Variants in RALGAPA2 observed in about 807,000 individuals in gnomAD.
RALGAPA2 encodes the protein ral GTPase-activating protein subunit alpha-2.
Under a neutral mutation model 230.4 loss-of-function variants are expected in RALGAPA2, and 139 were observed. That is an observed-to-expected ratio of 0.60 (90% CI 0.53 to 0.69). RALGAPA2 has a LOEUF of 0.69. Among genes scored for constraint, RALGAPA2 ranks in the 30% least tolerant of loss-of-function variants. The pLI is 0.00. For missense variants in RALGAPA2, 2,163 were observed against 2,276.0 expected (o/e 0.95, Z 1.01); for synonymous variants, 847 against 837.8 (o/e 1.01, Z -0.19).
chr20:20,418,669 T>C (rs1158205953), intron 37 of RALGAPA2, among the ~76,000 whole-genome samples: 5 of 152,156 alleles, frequency 3.3e-5, no homozygotes, highest in Non-Finnish European at 7.3e-5. Flanking sequence ...AGGATAAAAC[T>C]GAAAACCATG....
In RALGAPA2 at chr20:20,508,991, C is replaced by T. The variant is rs78619146; in HGVS notation, c.4928+2263G>A. The stretch of plus-strand genomic sequence containing the variant: ...ACCTCATGCAACTAAAGTGCATTAA[C>T]GCTCAACAAATTGACCGCAATTACA... On this transcript the variant is annotated intron_variant, in intron 33 of 39. Coordinates refer to ENST00000202677, the MANE Select transcript of RALGAPA2 (RefSeq NM_020343.4). Among the ~76,000 whole-genome samples, 581 of 152,324 alleles carry T rather than the reference C, an allele frequency of 3.8e-3. 3 individuals carry two copies. The highest frequency in any genetic ancestry group is 0.013 in the African/African-American group (553 of 41,572).
chr20:20,709,650 C>T (rs1211605831), intron 1 of RALGAPA2, among the ~76,000 whole-genome samples: 1 of 152,142 alleles, frequency 6.6e-6, no homozygotes, highest in Admixed American at 6.5e-5. Context: ...TGGCTTGATA[C>T]GTGTCAAGCC....
At chr20:20,435,701 G>A (rs571746798) in intron 37 of RALGAPA2, among the ~76,000 whole-genome samples, 1 of 152,296 alleles carries the variant, frequency 6.6e-6, no homozygotes, top group South Asian at 2.1e-4. Flanking sequence ...GAAGGAGGCA[G>A]GCTGATGCTG....
chr20:20,585,179 C>T (rs1416595647), intron 18 of RALGAPA2, among the ~76,000 whole-genome samples: 1 of 152,210 alleles, frequency 6.6e-6, no homozygotes, highest in Non-Finnish European at 1.5e-5. Flanking sequence ...TGTCAACTTA[C>T]ATCCATCCAA....
In RALGAPA2 at chr20:20,657,073, T is replaced by C. The variant is rs184682724; in HGVS notation, c.271-3486A>G. On this transcript the variant is annotated intron_variant, in intron 3 of 39. Coordinates refer to ENST00000202677, the MANE Select transcript of RALGAPA2 (RefSeq NM_020343.4). Reference sequence around the variant, plus strand: ...TTTGGTATCTTTGATAAAAAATTAATGATAATAGCAAGGTGAGTTTTCTGG... The same window carrying C: ...TTTGGTATCTTTGATAAAAAATTAACGATAATAGCAAGGTGAGTTTTCTGG... Among the ~76,000 whole-genome samples, 817 of 152,300 alleles carry C rather than the reference T, an allele frequency of 5.4e-3. 6 individuals carry two copies. The highest frequency in any genetic ancestry group is 0.019 in the African/African-American group (779 of 41,562).
At chr20:20,534,051 T>C (rs2063435557) in intron 26 of RALGAPA2, among the ~76,000 whole-genome samples, 1 of 152,074 alleles carries the variant, frequency 6.6e-6, no homozygotes, top group African/African-American at 2.4e-5. Context: ...ACTAATAAAA[T>C]TGACAAATTT....
At chr20:20,605,121 CA>C (rs1032579544) in intron 15 of RALGAPA2, 53 bp downstream of exon 15, 12 of 1,450,134 alleles carry the variant, frequency 8.3e-6, no homozygotes, top group Non-Finnish European at 1.1e-5. Context: ...CATACAAATA[CA>C]CACTCGTCCC....
intron 3 of RALGAPA2, among the ~76,000 whole-genome samples, chr20:20,655,017 A>C (rs1304150932): frequency 6.6e-6 from 1 of 152,176 alleles, no homozygotes; most frequent in Non-Finnish European, 1.5e-5. Flanking sequence ...GTTTTTTCAT[A>C]AACTTGTTGG....
intron 25 of RALGAPA2, among the ~76,000 whole-genome samples, 180 bp downstream of exon 25, chr20:20,536,476 T>A (rs1167628589): frequency 2.6e-5 from 4 of 152,202 alleles, no homozygotes; most frequent in Non-Finnish European, 5.9e-5. Context: ...TGCAATATAC[T>A]CTGAATTTAA....
At chr20:20,503,591 AT>A (rs1415227086) in intron 34 of RALGAPA2, 85 bp from the exon 35 acceptor site, 12 of 1,121,372 alleles carry the variant, frequency 1.1e-5, no homozygotes, top group South Asian at 3.2e-5. Context: ...CAGAAAAAAA[AT>A]AAATTATTTT....
At chr20:20,460,708 A>G (rs2061281378) in intron 37 of RALGAPA2, among the ~76,000 whole-genome samples, 1 of 152,338 alleles carries the variant, frequency 6.6e-6, no homozygotes. Context: ...TTTTAGTTAA[A>G]CAATTGGTCT....
chr20:20,414,523 C>T (rs1368076812), intron 37 of RALGAPA2, among the ~76,000 whole-genome samples: 3 of 152,026 alleles, frequency 2.0e-5, no homozygotes, highest in African/African-American at 7.3e-5. Flanking sequence ...TGAACTGACC[C>T]CAGACGGCAG....
intron 35 of RALGAPA2, among the ~76,000 whole-genome samples, chr20:20,499,890 C>T (rs2062322567): frequency 1.3e-5 from 2 of 152,172 alleles, no homozygotes; most frequent in South Asian, 4.1e-4. Flanking sequence ...TGGTTTCAGA[C>T]ATATCCGCAA....
At position 20,571,884 on chromosome 20, in the gene RALGAPA2, G is replaced by GA. The variant is rs766699664; in HGVS notation, c.2963dup (p.Pro990ThrfsTer11). On this transcript the variant is annotated frameshift_variant, in exon 22 of 40. Coordinates refer to ENST00000202677, the MANE Select transcript of RALGAPA2 (RefSeq NM_020343.4). LOFTEE classifies it high-confidence loss of function. Reference sequence around the variant, plus strand: ...ATGATGCAAACATTCTGAGTGGTGGGATCAAAACTGGAGGAGATGGAGAAG... The same window carrying GA: ...ATGATGCAAACATTCTGAGTGGTGGGAATCAAAACTGGAGGAGATGGAGAAG... 1 of 1,611,790 alleles carries GA rather than the reference G, an allele frequency of 6.2e-7. No homozygotes were observed. Among genetic ancestry groups the GA allele is most frequent in the East Asian group, 2.2e-5 (1 of 44,802 alleles).
At chr20:20,711,023 C>T (rs2069839528) in intron 1 of RALGAPA2, among the ~76,000 whole-genome samples, 1 of 152,046 alleles carries the variant, frequency 6.6e-6, no homozygotes, top group Non-Finnish European at 1.5e-5. Flanking sequence ...ACCAAGAACG[C>T]CACACTTCAC....
chr20:20,455,951 A>G (rs767496330), intron 37 of RALGAPA2, among the ~76,000 whole-genome samples: 13 of 152,236 alleles, frequency 8.5e-5, no homozygotes, highest in Non-Finnish European at 1.5e-4. Context: ...TCATGAGACC[A>G]AGTTAAAGTG....
At chr20:20,666,749 T>A (rs2067967792) in intron 3 of RALGAPA2, among the ~76,000 whole-genome samples, 1 of 152,224 alleles carries the variant, frequency 6.6e-6, no homozygotes, top group African/African-American at 2.4e-5. Flanking sequence ...AGAAAAGGAA[T>A]CGTTACTTAA....
In RALGAPA2 at chr20:20,391,204, G is replaced by A. The variant is rs935746159; in HGVS notation, c.*2085C>T. 6.6e-6 allele frequency: 1 copy of A among 152,284 alleles called. No homozygotes were observed. The highest frequency in any genetic ancestry group is 1.5e-5 in the Non-Finnish European group (1 of 68,122). The allele number at this position is 152,284 out of a possible 1,614,324, so 9.4% of individuals were successfully genotyped here. On this transcript the variant is annotated 3_prime_UTR_variant, in exon 40 of 40. Transcript: ENST00000202677. ...TTCCCAACAGGAGTGAGGTAAACAG[G>A]AGACAGGAGCAGCTCAACAGCAGGA...
chr20:20,589,498 C>A, intron 17 of RALGAPA2, 133 bp from the exon 18 acceptor site: 1 of 948,840 alleles, frequency 1.1e-6, no homozygotes, highest in Non-Finnish European at 1.5e-6. Flanking sequence ...GAGTTATGGG[C>A]CTGGCAAAAC....
Sources: allele counts gnomAD v4.1 joint callset (sites outside exome capture counted in the v4.1 genomes callset), GRCh38; gene constraint gnomAD v4.1.1; transcripts MANE v1.5; gene names NCBI Gene and HGNC (gene_info 2026-07-23, HGNC 2026-07-21).